Variants in HPSE2 observed in about 807,000 individuals in gnomAD.
The protein encoded by HPSE2 is heparanase 2 (inactive), also known as inactive heparanase-2.
HPSE2 carries 38 observed loss-of-function variants against 60.5 expected under a neutral mutation model. The observed-to-expected ratio is 0.63, with a 90% CI of 0.48 to 0.82. The LOEUF (loss-of-function observed/expected upper bound fraction) is 0.82. Among genes scored for constraint, HPSE2 ranks in the 40% least tolerant of loss-of-function variants. The pLI is 0.00. For missense variants in HPSE2, 713 were observed against 740.4 expected (o/e 0.96, Z 0.43); for synonymous variants, 295 against 293.2 (o/e 1.01, Z -0.06).
chr10:99,040,657 TAAA>T (rs542775208), intron 3 of HPSE2, among the ~76,000 whole-genome samples: 1 of 151,900 alleles, frequency 6.6e-6, no homozygotes, highest in East Asian at 1.9e-4. Flanking sequence ...TACCCAAAAA[TAAA>T]AAAAACTTCC....
intron 3 of HPSE2, among the ~76,000 whole-genome samples, chr10:99,074,230 T>C (rs1842890030): frequency 6.6e-6 from 1 of 152,150 alleles, no homozygotes; most frequent in African/African-American, 2.4e-5. Context: ...AATGTCCTTC[T>C]TTTCCCAGTT....
In HPSE2 at chr10:98,938,469, A is replaced by C. The variant is rs1954880247; in HGVS notation, c.611-194413T>G. Among the ~76,000 whole-genome samples, 2 of 144,098 alleles carry C rather than the reference A, an allele frequency of 1.4e-5. 1 individual carries two copies. Among genetic ancestry groups the C allele is most frequent in the Non-Finnish European group, 3.0e-5 (2 of 67,308 alleles). The allele number at this position is 144,098 out of a possible 152,430, so 94.5% of individuals were successfully genotyped here. A position where few individuals can be genotyped will look rare whatever the true frequency, so the allele number is the denominator to read the frequency against. ...AGAAGCCTCAGGAGCCAATGTGATC[A>C]ACTGGAAGAAAGGTTATCAGTGATG... On this transcript the variant is annotated intron_variant, in intron 3 of 11. Transcript: ENST00000370552.
chr10:99,250,016 G>A, the HPSE2 span, among the ~76,000 whole-genome samples: 2 of 151,850 alleles, frequency 1.3e-5, no homozygotes, highest in Non-Finnish European at 2.9e-5. Context: ...GGTGGCGGGT[G>A]CCTGTAATCC....
At chr10:99,080,787 C>T (rs1414036139) in intron 3 of HPSE2, among the ~76,000 whole-genome samples, 1 of 152,202 alleles carries the variant, frequency 6.6e-6, no homozygotes, top group African/African-American at 2.4e-5. Context: ...AAAGCCAATG[C>T]TCTTGCCAAA....
intron 2 of HPSE2, among the ~76,000 whole-genome samples, chr10:99,225,027 G>A (rs1465813412): frequency 6.6e-6 from 1 of 151,978 alleles, no homozygotes; most frequent in East Asian, 1.9e-4. Flanking sequence ...CTGGGATATA[G>A]TGAACTGCAG....
At chr10:98,942,332 CT>C (rs1955033865) in intron 3 of HPSE2, among the ~76,000 whole-genome samples, 1 of 143,770 alleles carries the variant, frequency 7.0e-6, no homozygotes, top group Non-Finnish European at 1.5e-5. Flanking sequence ...ACCTACTCAT[CT>C]GACAAAGGGC....
intron 3 of HPSE2, among the ~76,000 whole-genome samples, chr10:98,916,827 C>G (rs1449107525): frequency 6.6e-6 from 1 of 152,182 alleles, no homozygotes; most frequent in Non-Finnish European, 1.5e-5. Flanking sequence ...ATAGCTCAGT[C>G]CCAGTCCCTT....
chr10:99,300,672 C>A, the HPSE2 span, among the ~76,000 whole-genome samples: 1 of 152,228 alleles, frequency 6.6e-6, no homozygotes. Context: ...AGGGACACTT[C>A]TCCTAACTTT....
In HPSE2 at chr10:99,235,513, C is replaced by T; in HGVS notation, c.290G>A (p.Ser97Asn). 1 of 1,613,986 alleles carries T rather than the reference C, an allele frequency of 6.2e-7. No homozygotes were observed. The highest frequency in any genetic ancestry group is 8.5e-7 in the Non-Finnish European group (1 of 1,179,998). ...IIHDGWLDFL[S>N]SKRLVTLARG... ...TGATCCATCGAAACCCCTGCCTTAC[C>T]TTAGGAAATCGAGCCAGCCATCATG... The change falls in exon 1 of 12, where the codon AGC becomes AAC. Residue 97 changes from serine (S) to asparagine (N), a missense_variant and splice_region_variant. By Grantham distance (46) the Ser-to-Asn change is conservative. Transcript: ENST00000370552.
At chr10:98,894,748 T>C (rs1953435659) in intron 3 of HPSE2, among the ~76,000 whole-genome samples, 1 of 151,660 alleles carries the variant, frequency 6.6e-6, no homozygotes, top group Admixed American at 6.6e-5. Flanking sequence ...TTTTCCAGAA[T>C]TGATGAAAAC....
chr10:98,754,728 T>C (rs79896980), intron 3 of HPSE2, among the ~76,000 whole-genome samples: 1 of 148,726 alleles, frequency 6.7e-6, no homozygotes. Flanking sequence ...AAAAAAAATT[T>C]GGGGTTAGAA....
chr10:99,217,804 T>G (rs1849182412), intron 2 of HPSE2, among the ~76,000 whole-genome samples: 1 of 152,060 alleles, frequency 6.6e-6, no homozygotes, highest in African/African-American at 2.4e-5. Flanking sequence ...TAGGCTGATC[T>G]CAAACACCTG....
intron 2 of HPSE2, among the ~76,000 whole-genome samples, chr10:99,218,289 A>G (rs1838951474): frequency 6.6e-6 from 1 of 150,850 alleles, no homozygotes; most frequent in Non-Finnish European, 1.5e-5. Context: ...ATGTCAGGTA[A>G]GGGGCAAGGT....
intron 9 of HPSE2, among the ~76,000 whole-genome samples, chr10:98,510,821 T>C (rs1461044010): frequency 6.6e-6 from 1 of 152,026 alleles, no homozygotes; most frequent in Non-Finnish European, 1.5e-5. Context: ...CAAAGATGCA[T>C]GTAAACACCC....
chr10:98,899,353 A>G (rs551711037), intron 3 of HPSE2, among the ~76,000 whole-genome samples: 1 of 152,352 alleles, frequency 6.6e-6, no homozygotes, highest in African/African-American at 2.4e-5. Flanking sequence ...GTTGAAAGAC[A>G]CAATCAAGAG....
intron 4 of HPSE2, among the ~76,000 whole-genome samples, chr10:98,743,253 G>C (rs1949546752): frequency 6.6e-6 from 1 of 151,842 alleles, no homozygotes; most frequent in Non-Finnish European, 1.5e-5. Context: ...TTACAGGCCT[G>C]AGCCACCACG....
At chr10:98,549,223 AT>A (rs1029844565) in intron 9 of HPSE2, among the ~76,000 whole-genome samples, 2 of 152,132 alleles carry the variant, frequency 1.3e-5, no homozygotes, top group Admixed American at 1.3e-4. Context: ...TGAGCCTTAG[AT>A]TTTTCATCTG....
intron 2 of HPSE2, among the ~76,000 whole-genome samples, chr10:99,215,626 AT>A (rs2133918157): frequency 1.3e-5 from 2 of 152,344 alleles, no homozygotes; most frequent in Non-Finnish European, 2.9e-5. Context: ...TTAAAGTAAA[AT>A]AAAATTTTAA....
At chr10:98,550,908 C>T (rs904145286) in intron 9 of HPSE2, among the ~76,000 whole-genome samples, 9 of 152,060 alleles carry the variant, frequency 5.9e-5, no homozygotes, top group African/African-American at 1.9e-4. Context: ...TGAACTTGGC[C>T]GGGACTAGTT....
Sources: gnomAD v4.1 joint callset for allele counts (sites outside exome capture counted in the v4.1 genomes callset) on GRCh38, gnomAD v4.1.1 for gene constraint, MANE v1.5 for transcripts, NCBI Gene and HGNC (gene_info 2026-07-23, HGNC 2026-07-21) for gene names.